IRAK3: variants seen among roughly 807,000 people sequenced by gnomAD.
The protein encoded by IRAK3 is interleukin 1 receptor associated kinase 3.
In IRAK3, 57 loss-of-function variants were observed where a neutral mutation model predicts 56.6. The ratio of observed to expected loss-of-function variants is 1.01; its 90% CI spans 0.81 to 1.26. The LOEUF (loss-of-function observed/expected upper bound fraction) is 1.26. IRAK3 is among the 50% of genes most tolerant of loss of function. IRAK3 has a pLI of 0.00. For missense variants in IRAK3, 703 were observed against 719.0 expected (o/e 0.98, Z 0.25); for synonymous variants, 258 against 255.7 (o/e 1.01, Z -0.09).
At chr12:66,197,201 C>T (rs2052462752) in intron 1 of IRAK3, 1 of 1,255,252 alleles carries the variant, frequency 8.0e-7, no homozygotes. Context: ...TAACTAACAG[C>T]ATGTTTTTCT....
intron 5 of IRAK3, among the ~76,000 whole-genome samples, chr12:66,213,709 G>A (rs2052636111): frequency 6.6e-6 from 1 of 151,230 alleles, no homozygotes; most frequent in Admixed American, 6.6e-5. Context: ...GTGCATGTGT[G>A]TGGGAACGCC....
intron 8 of IRAK3, among the ~76,000 whole-genome samples, chr12:66,242,168 G>A (rs1271819785): frequency 6.6e-6 from 1 of 152,120 alleles, no homozygotes; most frequent in Non-Finnish European, 1.5e-5. Flanking sequence ...AATGAAATGG[G>A]GCATGCAGAA....
At chr12:66,189,628 C>T (rs2052380500) in intron 1 of IRAK3, among the ~76,000 whole-genome samples, 196 bp downstream of exon 1, 1 of 152,184 alleles carries the variant, frequency 6.6e-6, no homozygotes, top group Non-Finnish European at 1.5e-5. Context: ...TCCCTCCCTT[C>T]TCTTTCAAAG....
In IRAK3 at chr12:66,253,957, G is replaced by T. The variant is rs1028985887; in HGVS notation, c.*5786G>T. On this transcript the variant is annotated 3_prime_UTR_variant, in exon 12 of 12. Coordinates refer to ENST00000261233, the MANE Select transcript of IRAK3 (RefSeq NM_007199.3). ...AAAAAGAATAACTTAAAAATTAAAA[G>T]TGTCCTCTATTTGAACATGAAAACA... The T allele has an allele frequency of 3.3e-5, 5 of 152,064 alleles. No individual in the cohort carries two copies. Among genetic ancestry groups the T allele is most frequent in the African/African-American group, 1.2e-4 (5 of 41,394 alleles). The allele number at this position is 152,064 out of a possible 1,614,324, so 9.4% of individuals were successfully genotyped here. A position where few individuals can be genotyped will look rare whatever the true frequency, so the allele number is the denominator to read the frequency against.
In IRAK3 at chr12:66,211,471, C is replaced by G. The variant is rs777273322; in HGVS notation, c.462C>G (p.Ser154Arg). 4.4e-6 allele frequency: 7 copies of G among 1,599,992 alleles called. No homozygotes were observed. Among genetic ancestry groups the G allele is most frequent in the Non-Finnish European group, 6.0e-6 (7 of 1,167,094 alleles). The change falls in exon 5 of 12, where the codon AGC becomes AGG. Residue 154 changes from serine to arginine, a missense_variant. Transcript: ENST00000261233. ...EKGILLKSSI[S>R]FQNIIEGTRN... ...GAATACTGCTTAAATCTTCCATCAGCTTTCAAAATATCATAGAAGGAACTA... is the reference window on the plus strand; with the variant it reads ...GAATACTGCTTAAATCTTCCATCAGGTTTCAAAATATCATAGAAGGAACTA...
Position 66,237,205 on chromosome 12 carries a change from G to A in IRAK3, c.888-7281G>A, listed in dbSNP as rs142385859. ...TCCCAGCATTGTGAGGAGGAAGTGA[G>A]GTGATAGACTGAAAGCACAACCCAG... is the stretch of plus-strand genomic sequence containing the variant. On this transcript the variant is annotated intron_variant, in intron 8 of 11. Coordinates refer to ENST00000261233, the MANE Select transcript of IRAK3 (RefSeq NM_007199.3). 1.3e-3 allele frequency among the ~76,000 whole-genome samples: 194 copies of A among 152,204 alleles called. 1 individual carries two copies. Among genetic ancestry groups the A allele is most frequent in the African/African-American group, 4.4e-3 (184 of 41,528 alleles).
At chr12:66,228,178 A>G in intron 7 of IRAK3, 74 bp from the exon 8 acceptor site, 1 of 1,025,314 alleles carries the variant, frequency 9.8e-7, no homozygotes, top group Non-Finnish European at 1.6e-6. Flanking sequence ...ATTCTGGTGT[A>G]TGTCTGCATA....
chr12:66,236,763 C>A (rs1047840422), intron 8 of IRAK3, among the ~76,000 whole-genome samples: 2 of 152,098 alleles, frequency 1.3e-5, no homozygotes, highest in African/African-American at 4.8e-5. Flanking sequence ...TCTGTACTCA[C>A]GAGTCTAGGA....
chr12:66,201,222 T>C (rs1431692196), intron 1 of IRAK3, among the ~76,000 whole-genome samples: 2 of 152,200 alleles, frequency 1.3e-5, no homozygotes, highest in Admixed American at 6.5e-5. Flanking sequence ...AAGTCTCCCA[T>C]TGGTGGACAG....
rs34682166 is a variant in IRAK3 at position 66,211,520 on chromosome 12, A to C, written c.511A>C (p.Ile171Leu). 6.2e-7 allele frequency: 1 copy of C among 1,608,864 alleles called. No homozygotes were observed. The highest frequency in any genetic ancestry group is 1.7e-5 in the Admixed American group (1 of 59,974). Residue 171 changes from isoleucine to leucine, a missense_variant, in exon 5 of 12, where the codon ATT (isoleucine) becomes CTT (leucine). Physicochemically the swap from Ile to Leu is conservative, Grantham distance 5 (BLOSUM62 2). Coordinates refer to ENST00000261233, the MANE Select transcript of IRAK3 (RefSeq NM_007199.3). ...TAGAAATTTCCACAAAGACTTCCTA[A>C]TTGGAGAAGGAGAGATTTTTGAGGT... The part of the protein sequence containing the change: ...GTRNFHKDFL[I>L]GEGEIFEVYR...
At chr12:66,234,799 T>G (rs1461824775) in intron 8 of IRAK3, 1 of 1,599,762 alleles carries the variant, frequency 6.3e-7, no homozygotes, top group Non-Finnish European at 8.6e-7. Context: ...AAATAACTTG[T>G]CCAAATGGTT....
chr12:66,197,034 G>C lies in IRAK3; in HGVS notation c.134-6677G>C, dbSNP rs761511982. On this transcript the variant is annotated intron_variant, in intron 1 of 11. Coordinates refer to ENST00000261233, the MANE Select transcript of IRAK3 (RefSeq NM_007199.3). ...ATTTGCATATGGAGACGTGATTTCT[G>C]CAACTGAAAACAGTCAGTCCTGCAC... 14 of 1,527,938 alleles carry C rather than the reference G, an allele frequency of 9.2e-6. 1 individual carries two copies. The South Asian group carries it at 1.6e-4, about 17-fold the overall frequency. 94.6% of individuals were successfully genotyped at this position (1,527,938 alleles called of 1,614,324 possible).
intron 8 of IRAK3, chr12:66,234,966 A>G: frequency 6.2e-7 from 1 of 1,614,132 alleles, no homozygotes; most frequent in Non-Finnish European, 8.5e-7. Context: ...GGGCTGTCAA[A>G]GTCGACAAAA....
chr12:66,196,534 T>C (rs1485744762), intron 1 of IRAK3, among the ~76,000 whole-genome samples: 3 of 152,190 alleles, frequency 2.0e-5, no homozygotes, highest in Non-Finnish European at 4.4e-5. Flanking sequence ...AGGTAGTTAA[T>C]GTTAGGTTCC....
At chr12:66,217,794 T>C (rs1218981841) in intron 6 of IRAK3, among the ~76,000 whole-genome samples, 1 of 152,214 alleles carries the variant, frequency 6.6e-6, no homozygotes, top group East Asian at 1.9e-4. Context: ...TGTCATCCTT[T>C]ACAAATAGGA....
At chr12:66,224,754 A>C (rs1416205642) in intron 6 of IRAK3, among the ~76,000 whole-genome samples, 5 of 152,218 alleles carry the variant, frequency 3.3e-5, no homozygotes, top group Admixed American at 3.3e-4. Flanking sequence ...AACTTGCCCA[A>C]GTTAACACAG....
chr12:66,237,504 A>C (rs560535669), intron 8 of IRAK3, among the ~76,000 whole-genome samples: 7 of 152,348 alleles, frequency 4.6e-5, no homozygotes, highest in Admixed American at 3.9e-4. Context: ...GTCTTTCATG[A>C]GTAGCTGAGT....
rs749340841 is a variant in IRAK3 at position 66,203,694 on chromosome 12, T to C, written c.134-17T>C. On this transcript the variant is annotated splice_polypyrimidine_tract_variant and intron_variant, in intron 1 of 11. Coordinates refer to ENST00000261233, the MANE Select transcript of IRAK3 (RefSeq NM_007199.3). ...AGTACAGTAAACAATTCTTTGTTTATATTGCAATTTCCACAGCAGAGAGAC... is the reference window on the plus strand; with the variant it reads ...AGTACAGTAAACAATTCTTTGTTTACATTGCAATTTCCACAGCAGAGAGAC... 6.2e-7 allele frequency: 1 copy of C among 1,611,664 alleles called. No individual in the cohort carries two copies. The highest frequency in any genetic ancestry group is 1.3e-5 in the African/African-American group (1 of 74,866).
chr12:66,196,229 C>A (rs2052451895), intron 1 of IRAK3, among the ~76,000 whole-genome samples: 1 of 152,048 alleles, frequency 6.6e-6, no homozygotes, highest in Non-Finnish European at 1.5e-5. Flanking sequence ...TGGCACAGAG[C>A]AGGCACTCAG....
Sources: allele counts gnomAD v4.1 joint callset (sites outside exome capture counted in the v4.1 genomes callset), GRCh38; gene constraint gnomAD v4.1.1; transcripts MANE v1.5; gene names NCBI Gene and HGNC (gene_info 2026-07-23, HGNC 2026-07-21).